MARCHF11: variants seen among roughly 807,000 people sequenced by gnomAD.
MARCHF11 encodes the protein membrane associated ring-CH-type finger 11.
In MARCHF11, 29 loss-of-function variants were observed where a neutral mutation model predicts 37.3. The observed-to-expected ratio is 0.78, with a 90% CI of 0.58 to 1.06. The LOEUF (loss-of-function observed/expected upper bound fraction) is 1.06, where lower values mean the gene tolerates loss of function less well. MARCHF11 is among the 50% of genes least tolerant of loss of function. The pLI is 0.00. For synonymous variants in MARCHF11, 233 were observed against 228.0 expected (o/e 1.02, Z -0.20); for missense variants, 482 against 533.4 (o/e 0.90, Z 0.95).
chr5:16,109,910 A>G (rs1737108301), intron 2 of MARCHF11, among the ~76,000 whole-genome samples: 1 of 152,238 alleles, frequency 6.6e-6, no homozygotes, highest in African/African-American at 2.4e-5. Context: ...AAGAAACAGC[A>G]CTAGCTTTTC....
intron 2 of MARCHF11, 122 bp from the exon 3 acceptor site, chr5:16,091,203 A>G: frequency 1.4e-6 from 1 of 689,760 alleles, no homozygotes; most frequent in Admixed American, 3.6e-5. Flanking sequence ...ATGAGACCCC[A>G]AATGAATTTT....
intron 2 of MARCHF11, among the ~76,000 whole-genome samples, chr5:16,138,405 T>C (rs1388554307): frequency 6.6e-6 from 1 of 152,198 alleles, no homozygotes; most frequent in African/African-American, 2.4e-5. Flanking sequence ...ATTTGCGAAC[T>C]TCTCCCTAGA....
chr5:16,104,185 A>C (rs1737001255), intron 2 of MARCHF11, among the ~76,000 whole-genome samples: 1 of 152,030 alleles, frequency 6.6e-6, no homozygotes, highest in Admixed American at 6.5e-5. Flanking sequence ...TGATTAAACC[A>C]TCTTTAAGGC....
intron 2 of MARCHF11, among the ~76,000 whole-genome samples, chr5:16,107,070 C>G (rs1275441439): frequency 6.6e-6 from 1 of 152,232 alleles, no homozygotes; most frequent in Non-Finnish European, 1.5e-5. Flanking sequence ...GAAGCTGCAC[C>G]TGTACTACCT....
At chr5:16,088,764 C>T (rs1398402139) in intron 3 of MARCHF11, among the ~76,000 whole-genome samples, 4 of 151,796 alleles carry the variant, frequency 2.6e-5, no homozygotes, top group African/African-American at 9.7e-5. Flanking sequence ...TCAAAATATA[C>T]AAATAGATCA....
At chr5:16,087,607 C>T (rs568280102) in intron 3 of MARCHF11, among the ~76,000 whole-genome samples, 1 of 152,070 alleles carries the variant, frequency 6.6e-6, no homozygotes, top group Non-Finnish European at 1.5e-5. Context: ...AATTGGATGC[C>T]ACAGATACAG....
chr5:16,116,351 A>G (rs528571062), intron 2 of MARCHF11, among the ~76,000 whole-genome samples: 1 of 152,204 alleles, frequency 6.6e-6, no homozygotes, highest in South Asian at 2.1e-4. Flanking sequence ...CATCCACTAC[A>G]CTACCTCCAA....
At chr5:16,125,681 C>T (rs1231439013) in intron 2 of MARCHF11, among the ~76,000 whole-genome samples, 1 of 149,038 alleles carries the variant, frequency 6.7e-6, no homozygotes, top group Non-Finnish European at 1.5e-5. Context: ...TCATATTGAC[C>T]ACTGCTTTAT....
rs146624349 is a variant in MARCHF11 at position 16,080,448 on chromosome 5, C to A, written c.886+10441G>T. Reference sequence around the variant, plus strand: ...GGTTTCAACTACCAGATACAAATCTCCAGTTCCAACCTCTAGCCTGAGTTC... The same window carrying A: ...GGTTTCAACTACCAGATACAAATCTACAGTTCCAACCTCTAGCCTGAGTTC... On this transcript the variant is annotated intron_variant, in intron 3 of 3. Transcript: ENST00000332432. 4.6e-3 allele frequency among the ~76,000 whole-genome samples: 696 copies of A among 152,326 alleles called. 6 individuals carry two copies. Among genetic ancestry groups the A allele is most frequent in the African/African-American group, 0.016 (650 of 41,568 alleles).
chr5:16,127,006 A>C (rs1579397910), intron 2 of MARCHF11, among the ~76,000 whole-genome samples: 1 of 152,318 alleles, frequency 6.6e-6, no homozygotes, highest in Non-Finnish European at 1.5e-5. Flanking sequence ...AGTCAGAAAA[A>C]AGGCATCTCC....
chr5:16,115,842 G>A (rs940645283), intron 2 of MARCHF11, among the ~76,000 whole-genome samples: 2 of 152,038 alleles, frequency 1.3e-5, no homozygotes, highest in African/African-American at 4.8e-5. Context: ...GGCCAGGCTG[G>A]TCTCAAACTC....
chr5:16,128,307 T>C (rs1041882640), intron 2 of MARCHF11, among the ~76,000 whole-genome samples: 2 of 152,192 alleles, frequency 1.3e-5, no homozygotes, highest in African/African-American at 4.8e-5. Context: ...CACTGGCACC[T>C]GTGAGTGACG....
At chr5:16,154,609 G>A (rs955204839) in intron 2 of MARCHF11, among the ~76,000 whole-genome samples, 3 of 151,830 alleles carry the variant, frequency 2.0e-5, no homozygotes, top group South Asian at 2.1e-4. Flanking sequence ...AAGGGAGGGG[G>A]GGGAGGAAAC....
At chr5:16,088,460 A>C (rs1736735853) in intron 3 of MARCHF11, among the ~76,000 whole-genome samples, 1 of 152,232 alleles carries the variant, frequency 6.6e-6, no homozygotes, top group Non-Finnish European at 1.5e-5. Flanking sequence ...TTTCACACTA[A>C]CACTGCCTCT....
intron 2 of MARCHF11, among the ~76,000 whole-genome samples, chr5:16,154,522 A>T (rs992847996): frequency 1.3e-5 from 2 of 151,878 alleles, no homozygotes; most frequent in Non-Finnish European, 2.9e-5. Context: ...CTGTGTGATG[A>T]TCTGTTCATG....
At chr5:16,094,965 C>G (rs1257386635) in intron 2 of MARCHF11, among the ~76,000 whole-genome samples, 1 of 152,136 alleles carries the variant, frequency 6.6e-6, no homozygotes, top group Non-Finnish European at 1.5e-5. Flanking sequence ...GGTAAGTAAA[C>G]TGAGGCAGAG....
At chr5:16,112,635 G>T (rs1447694793) in intron 2 of MARCHF11, among the ~76,000 whole-genome samples, 1 of 152,152 alleles carries the variant, frequency 6.6e-6, no homozygotes, top group Non-Finnish European at 1.5e-5. Context: ...TTGATTTAAT[G>T]CTGAAATCAG....
chr5:16,117,254 G>C (rs1173494483), intron 2 of MARCHF11, among the ~76,000 whole-genome samples: 1 of 152,300 alleles, frequency 6.6e-6, no homozygotes, highest in African/African-American at 2.4e-5. Context: ...CTTCGATACA[G>C]AGATAAATAA....
At chr5:16,141,502 A>T (rs1012236353) in intron 2 of MARCHF11, 2 of 152,202 alleles carry the variant, frequency 1.3e-5, no homozygotes, top group African/African-American at 4.8e-5. Flanking sequence ...AGCCATCTGG[A>T]AACTGATAAA....
Sources: allele counts gnomAD v4.1 joint callset (sites outside exome capture counted in the v4.1 genomes callset), GRCh38; gene constraint gnomAD v4.1.1; transcripts MANE v1.5; gene names NCBI Gene and HGNC (gene_info 2026-07-23, HGNC 2026-07-21).